HDAC8: variants seen among roughly 807,000 people sequenced by gnomAD.
HDAC8 encodes the protein histone deacetylase-like 1.
In HDAC8, 1 loss-of-function variant was observed where a neutral mutation model predicts 32.2. The ratio of observed to expected loss-of-function variants is 0.03; its 90% CI spans 0.01 to 0.15. The LOEUF (loss-of-function observed/expected upper bound fraction) is 0.15. HDAC8 is among the 10% of genes least tolerant of loss of function. HDAC8 has a pLI of 1.00. For synonymous variants in HDAC8, 108 were observed against 113.9 expected (o/e 0.95, Z 0.33); for missense variants, 117 against 300.0 (o/e 0.39, Z 4.51).
At chrX:72,443,913 T>C (rs1218234791) in intron 9 of HDAC8, among the ~76,000 whole-genome samples, 4 of 108,733 alleles carry the variant, frequency 3.7e-5, no homozygotes, top group Non-Finnish European at 5.7e-5. Context: ...AACACCTCTA[T>C]GCAAATAAAC....
chrX:72,469,307 C>T, intron 7 of HDAC8, among the ~76,000 whole-genome samples: 1 of 111,251 alleles, frequency 9.0e-6, no homozygotes, highest in South Asian at 3.8e-4. Context: ...CCTCAGCTTC[C>T]CAAGTTGCTG....
intron 4 of HDAC8, among the ~76,000 whole-genome samples, chrX:72,510,119 A>T (rs1472929916): frequency 8.9e-6 from 1 of 111,972 alleles, no homozygotes; most frequent in Admixed American, 9.5e-5. Flanking sequence ...CAAGTAAATG[A>T]GCCAGCGTCA....
At chrX:72,547,717 C>G (rs1209334949) in intron 4 of HDAC8, among the ~76,000 whole-genome samples, 1 of 111,661 alleles carries the variant, frequency 9.0e-6, no homozygotes, top group Non-Finnish European at 1.9e-5. Context: ...CATTTAACCT[C>G]TCTGTACTTC....
chrX:72,532,274 T>TG (rs145194681), intron 4 of HDAC8, among the ~76,000 whole-genome samples: 1 of 98,296 alleles, frequency 1.0e-5, no homozygotes, highest in Admixed American at 1.1e-4. Context: ...TTTTTTTTTT[T>TG]GTAGAAACAG....
chrX:72,525,078 G>T (rs1481276380), intron 4 of HDAC8, among the ~76,000 whole-genome samples: 3 of 112,017 alleles, frequency 2.7e-5, no homozygotes, highest in Non-Finnish European at 1.9e-5. Context: ...TGATACTAGT[G>T]CCACCACTGA....
At chrX:72,394,413 A>G (rs2045701602) in intron 9 of HDAC8, among the ~76,000 whole-genome samples, 1 of 112,367 alleles carries the variant, frequency 8.9e-6, no homozygotes. Context: ...TTTTTGTCCA[A>G]TAATGGTAAA....
At chrX:72,388,176 G>A (rs781994001) in intron 9 of HDAC8, among the ~76,000 whole-genome samples, 1 of 110,964 alleles carries the variant, frequency 9.0e-6, no homozygotes, top group South Asian at 3.9e-4. Context: ...TCTCCGCTAA[G>A]AATTTCAGAC....
intron 4 of HDAC8, among the ~76,000 whole-genome samples, chrX:72,541,550 T>C (rs2050708492): frequency 9.0e-6 from 1 of 111,694 alleles, no homozygotes; most frequent in Non-Finnish European, 1.9e-5. Flanking sequence ...AATTTTAATG[T>C]TGTGTGGAGA....
intron 9 of HDAC8, among the ~76,000 whole-genome samples, chrX:72,430,887 TAA>T (rs2046796222): frequency 8.9e-6 from 1 of 112,215 alleles, no homozygotes; most frequent in African/African-American, 3.2e-5. Context: ...AGAAGTTACC[TAA>T]AGTCACATAA....
At chrX:72,332,805 C>T (rs1459260119) in intron 10 of HDAC8, among the ~76,000 whole-genome samples, 1 of 110,439 alleles carries the variant, frequency 9.1e-6, no homozygotes, top group Non-Finnish European at 1.9e-5. Context: ...GCATGTGCCA[C>T]CATGCTCGAC....
intron 6 of HDAC8, 109 bp from the exon 7 acceptor site, chrX:72,489,150 A>G (rs368232633): frequency 2.0e-6 from 1 of 505,926 alleles, no homozygotes. Context: ...AAGAAAAATT[A>G]TATAAAGAAG....
At chrX:72,561,485 A>G (rs2051561358) in intron 4 of HDAC8, among the ~76,000 whole-genome samples, 1 of 112,481 alleles carries the variant, frequency 8.9e-6, no homozygotes, top group East Asian at 2.8e-4. Context: ...AGCCACATGT[A>G]GAAGAATGTA....
intron 9 of HDAC8, among the ~76,000 whole-genome samples, chrX:72,366,471 A>G (rs1003111548): frequency 8.9e-6 from 1 of 112,222 alleles, no homozygotes; most frequent in African/African-American, 3.2e-5. Flanking sequence ...CAGCTCCCCC[A>G]GATGGAGTAA....
At chrX:72,432,664 T>C (rs139769968) in intron 9 of HDAC8, among the ~76,000 whole-genome samples, 1 of 111,119 alleles carries the variant, frequency 9.0e-6, no homozygotes, top group African/African-American at 3.3e-5. Context: ...ATCCCTTTGA[T>C]AGTTTCTATC....
At chrX:72,434,089 C>G (rs1249964134) in intron 9 of HDAC8, among the ~76,000 whole-genome samples, 1 of 112,082 alleles carries the variant, frequency 8.9e-6, no homozygotes, top group Non-Finnish European at 1.9e-5. Flanking sequence ...CTCATGTATT[C>G]CTTAAACCAA....
chrX:72,374,152 C>T (rs1310748915), intron 9 of HDAC8, among the ~76,000 whole-genome samples: 2 of 111,553 alleles, frequency 1.8e-5, no homozygotes, highest in Non-Finnish European at 3.8e-5. Flanking sequence ...TCAAGCAATC[C>T]TCCCCGCCTC....
chrX:72,553,710 C>T (rs1213726397), intron 4 of HDAC8, among the ~76,000 whole-genome samples: 1 of 111,810 alleles, frequency 8.9e-6, no homozygotes, highest in Non-Finnish European at 1.9e-5. Context: ...ATGGAACCCG[C>T]AGATGATAAA....
At chrX:72,524,967 G>A (rs1480333140) in intron 4 of HDAC8, among the ~76,000 whole-genome samples, 1 of 111,535 alleles carries the variant, frequency 9.0e-6, no homozygotes, top group Non-Finnish European at 1.9e-5. Flanking sequence ...ATTTTTCCAT[G>A]GGCATGGTTG....
chrX:72,538,154 T>C (rs145578496), intron 4 of HDAC8, among the ~76,000 whole-genome samples: 1,458 of 110,681 alleles, frequency 0.013, 29 homozygotes, highest in African/African-American at 0.046. Flanking sequence ...TGCAACTTAC[T>C]TCCTTTCTCT....
Sources: gnomAD v4.1 joint callset for allele counts (sites outside exome capture counted in the v4.1 genomes callset) on GRCh38, gnomAD v4.1.1 for gene constraint, MANE v1.5 for transcripts, NCBI Gene and HGNC (gene_info 2026-07-23, HGNC 2026-07-21) for gene names.